ZNF804B: variants seen among roughly 807,000 people sequenced by gnomAD.
ZNF804B encodes zinc finger protein 804B.
ZNF804B carries 80 observed loss-of-function variants against 101.4 expected under a neutral mutation model. That is an observed-to-expected ratio of 0.79 (90% CI 0.66 to 0.95). The LOEUF (loss-of-function observed/expected upper bound fraction) is 0.95, where lower values mean the gene tolerates loss of function less well. Among genes scored for constraint, ZNF804B ranks in the 40% least tolerant of loss-of-function variants. ZNF804B has a pLI of 0.00. For missense variants in ZNF804B, 1,673 were observed against 1,561.9 expected, an observed-to-expected ratio of 1.07 and a Z score of -1.20; for synonymous variants, 622 against 558.8, an observed-to-expected ratio of 1.11 and a Z score of -1.59.
intron 1 of ZNF804B, among the ~76,000 whole-genome samples, chr7:88,869,750 A>G (rs1208979902): frequency 6.6e-6 from 1 of 152,102 alleles, no homozygotes; most frequent in Non-Finnish European, 1.5e-5. Flanking sequence ...TGCATGTTTA[A>G]TCCAAAGGTA....
At chr7:89,124,613 C>T (rs757721657) in intron 1 of ZNF804B, among the ~76,000 whole-genome samples, 22 of 152,096 alleles carry the variant, frequency 1.4e-4, no homozygotes, top group East Asian at 1.9e-4. Flanking sequence ...AGAAGTAATT[C>T]GTCAAAACTT....
chr7:89,045,422 A>G (rs921350181), intron 1 of ZNF804B, among the ~76,000 whole-genome samples: 1 of 152,178 alleles, frequency 6.6e-6, no homozygotes, highest in African/African-American at 2.4e-5. Context: ...CAGACCCCAG[A>G]ATGTTAGATC....
intron 1 of ZNF804B, among the ~76,000 whole-genome samples, chr7:89,155,499 C>G (rs758888628): frequency 5.2e-4 from 79 of 152,300 alleles, no homozygotes; most frequent in Non-Finnish European, 8.5e-4. Flanking sequence ...ACCTTATATC[C>G]TCAGATCTGT....
At chr7:89,168,889 C>T (rs760174632) in intron 1 of ZNF804B, among the ~76,000 whole-genome samples, 7 of 151,938 alleles carry the variant, frequency 4.6e-5, no homozygotes, top group Non-Finnish European at 7.4e-5. Flanking sequence ...AAGATGGGGG[C>T]GGGCCACTCC....
intron 2 of ZNF804B, among the ~76,000 whole-genome samples, chr7:89,324,107 T>A (rs545109151): frequency 6.6e-6 from 1 of 152,228 alleles, no homozygotes; most frequent in African/African-American, 2.4e-5. Flanking sequence ...TTATAAGAGA[T>A]ACAATCACTT....
intron 2 of ZNF804B, among the ~76,000 whole-genome samples, chr7:89,264,014 CT>C (rs1215381708): frequency 6.6e-6 from 1 of 152,132 alleles, no homozygotes; most frequent in Non-Finnish European, 1.5e-5. Context: ...AAAATATTGT[CT>C]CTCATTTCAC....
intron 1 of ZNF804B, among the ~76,000 whole-genome samples, chr7:88,846,454 A>G (rs1562810275): frequency 6.6e-6 from 1 of 152,230 alleles, no homozygotes; most frequent in Non-Finnish European, 1.5e-5. Flanking sequence ...CAAATGTTAT[A>G]TGTTATCTCC....
chr7:88,821,340 A>G (rs1790977859), intron 1 of ZNF804B, among the ~76,000 whole-genome samples: 1 of 152,208 alleles, frequency 6.6e-6, no homozygotes, highest in Admixed American at 6.5e-5. Context: ...GAATTAAATG[A>G]CCAGATAGAT....
At chr7:89,273,022 T>G (rs75031770) in intron 2 of ZNF804B, among the ~76,000 whole-genome samples, 2,854 of 152,272 alleles carry the variant, frequency 0.019, 72 homozygotes, top group African/African-American at 0.065. Context: ...CAGTTGTTTT[T>G]TGTAATCTTC....
intron 1 of ZNF804B, among the ~76,000 whole-genome samples, chr7:88,807,277 G>A (rs1790706046): frequency 6.6e-6 from 1 of 151,942 alleles, no homozygotes; most frequent in African/African-American, 2.4e-5. Context: ...TAATAGTTAA[G>A]CATTTTTTTA....
At chr7:89,209,170 C>T (rs575683069) in intron 1 of ZNF804B, among the ~76,000 whole-genome samples, 1 of 152,026 alleles carries the variant, frequency 6.6e-6, no homozygotes, top group Non-Finnish European at 1.5e-5. Context: ...GCCTGTAAGT[C>T]AGAAATTTGT....
At chr7:89,042,665 G>A (rs1004129220) in intron 1 of ZNF804B, among the ~76,000 whole-genome samples, 1 of 152,142 alleles carries the variant, frequency 6.6e-6, no homozygotes, top group Admixed American at 6.5e-5. Flanking sequence ...TGGGACTAAT[G>A]CAGAGCTAGC....
At position 89,285,550 on chromosome 7, in the gene ZNF804B, AAGAAGAAGAAG is replaced by A. The variant is rs1790182230; in HGVS notation, c.250-41792_250-41782del. Among the ~76,000 whole-genome samples, 88 of 92,488 alleles carry A rather than the reference AAGAAGAAGAAG, an allele frequency of 9.5e-4. 1 individual carries two copies. The highest frequency in any genetic ancestry group is 4.3e-3 in the African/African-American group (87 of 20,434). 60.7% of individuals were successfully genotyped at this position (92,488 alleles called of 152,430 possible). A position where few individuals can be genotyped will look rare whatever the true frequency, so the allele number is the denominator to read the frequency against. On this transcript the variant is annotated intron_variant, in intron 2 of 3. Transcript: ENST00000333190. ...AAAAAAAAAAAAAAAAAAAAAAAAG[AAGAAGAAGAAG>A]AAGAAGAAGAAGAAGAAAATAAAAT...
intron 1 of ZNF804B, among the ~76,000 whole-genome samples, chr7:88,873,307 T>C (rs1328398420): frequency 6.6e-6 from 1 of 152,206 alleles, no homozygotes; most frequent in Non-Finnish European, 1.5e-5. Context: ...GCACACTTTT[T>C]GATGGGGTTG....
intron 1 of ZNF804B, among the ~76,000 whole-genome samples, chr7:88,990,120 T>C (rs1304956004): frequency 6.6e-6 from 1 of 151,858 alleles, no homozygotes; most frequent in Admixed American, 6.6e-5. Context: ...GATGATACTA[T>C]GTATATAATT....
chr7:89,128,397 T>C (rs1281182299), intron 1 of ZNF804B, among the ~76,000 whole-genome samples: 4 of 151,978 alleles, frequency 2.6e-5, no homozygotes, highest in African/African-American at 7.2e-5. Context: ...CAATTAGTTA[T>C]ATAGAATTTT....
intron 1 of ZNF804B, among the ~76,000 whole-genome samples, chr7:88,969,671 A>C (rs527772813): frequency 2.4e-4 from 37 of 151,510 alleles, no homozygotes; most frequent in Admixed American, 4.6e-4. Context: ...ACAACCAATA[A>C]ATTTTCACAG....
At chr7:89,134,949 C>T (rs781696979) in intron 1 of ZNF804B, among the ~76,000 whole-genome samples, 2 of 151,806 alleles carry the variant, frequency 1.3e-5, no homozygotes, top group Non-Finnish European at 2.9e-5. Context: ...ATTGCATTGA[C>T]CTTACTCCTT....
intron 2 of ZNF804B, among the ~76,000 whole-genome samples, chr7:89,271,381 A>G (rs1292387374): frequency 2.6e-5 from 4 of 152,196 alleles, no homozygotes; most frequent in East Asian, 1.9e-4. Context: ...ATTGATTTGC[A>G]TATGTTCAAC....
Sources: allele counts gnomAD v4.1 joint callset (sites outside exome capture counted in the v4.1 genomes callset), GRCh38; gene constraint gnomAD v4.1.1; transcripts MANE v1.5; gene names NCBI Gene and HGNC (gene_info 2026-07-23, HGNC 2026-07-21).